Variants in DHRSX observed in about 807,000 individuals in gnomAD.
The protein encoded by DHRSX is polyprenol dehydrogenase.
In DHRSX, 31 loss-of-function variants were observed where a neutral mutation model predicts 34.0. The ratio of observed to expected loss-of-function variants is 0.91; its 90% CI spans 0.69 to 1.23. The LOEUF (loss-of-function observed/expected upper bound fraction) is 1.23, where lower values mean the gene tolerates loss of function less well. Ranked by LOEUF, DHRSX falls within the 50% of genes most tolerant of loss-of-function variation. The pLI, the probability that DHRSX is intolerant of heterozygous loss-of-function variation, is 0.00. For missense variants in DHRSX, 414 were observed against 428.1 expected (o/e 0.97, Z 0.29); for synonymous variants, 201 against 183.8 (o/e 1.09, Z -0.76).
intron 6 of DHRSX, among the ~76,000 whole-genome samples, chrX:2,231,361 G>C (rs36093347): frequency 0.15 from 23,454 of 151,666 alleles, 5,204 homozygotes; most frequent in African/African-American, 0.49. Context: ...CTCTGAGCCT[G>C]AGAGAACCTC....
chrX:2,275,838 A>ATTT (rs2041623787), intron 4 of DHRSX, among the ~76,000 whole-genome samples: 5 of 148,974 alleles, frequency 3.4e-5, no homozygotes, highest in African/African-American at 4.9e-5. Context: ...CCTTTTTTTA[A>ATTT]AAATTTTAAT....
In DHRSX at chrX:2,221,197, G is replaced by A. The variant is rs148089632; in HGVS notation, c.837C>T (p.Tyr279=). 1.6e-4 allele frequency: 263 copies of A among 1,613,854 alleles called. No individual in the cohort carries two copies. The highest frequency in any genetic ancestry group is 1.6e-3 in the African/African-American group (122 of 75,008). Residue 279 remains tyrosine, a synonymous_variant, in exon 7 of 7, where the codon TAC becomes TAT. Transcript: ENST00000334651. ...TPDEGAWTSI[Y]AAVTPELEGV... ...CTTCCAGCTCTGGGGTGACTGCTGC[G>A]TAGATGGAAGTCCACGCTCCTTCAT...
intron 1 of DHRSX, among the ~76,000 whole-genome samples, chrX:2,426,619 T>C (rs1351071688): frequency 6.7e-6 from 1 of 149,294 alleles, no homozygotes; most frequent in Non-Finnish European, 1.5e-5. Flanking sequence ...CCTTTCCTCT[T>C]TCCCTCCTTT....
chrX:2,352,874 A>G (rs2042804964), intron 3 of DHRSX, among the ~76,000 whole-genome samples: 1 of 152,142 alleles, frequency 6.6e-6, no homozygotes, highest in Admixed American at 6.6e-5. Flanking sequence ...TTAAGCCACA[A>G]AACTTCAATT....
intron 3 of DHRSX, among the ~76,000 whole-genome samples, chrX:2,335,203 A>G (rs1303192393): frequency 3.3e-5 from 5 of 151,218 alleles, no homozygotes; most frequent in Non-Finnish European, 7.4e-5. Context: ...AAAAAAAGAA[A>G]AATTTATTTT....
chrX:2,308,495 A>G (rs892342226), intron 3 of DHRSX, among the ~76,000 whole-genome samples: 6 of 152,300 alleles, frequency 3.9e-5, no homozygotes, highest in African/African-American at 1.4e-4. Flanking sequence ...CACACAAGAC[A>G]GCAATGATTG....
Position 2,233,198 on chromosome X carries a change from G to A in DHRSX, c.804+9825C>T, listed in dbSNP as rs758517836. 1.2e-4 allele frequency among the ~76,000 whole-genome samples: 18 copies of A among 152,244 alleles called. No homozygotes were observed. The East Asian group carries it at 1.4e-3, about 11-fold the overall frequency. ...TCGCGGCAGAATTTCATTATCTGCC[G>A]CTGTGCAGCTGTGGCTGACAGACGC... On this transcript the variant is annotated intron_variant, in intron 6 of 6. Transcript: ENST00000334651.
intron 3 of DHRSX, among the ~76,000 whole-genome samples, chrX:2,368,637 G>T (rs973331313): frequency 2.0e-5 from 3 of 152,104 alleles, no homozygotes; most frequent in Non-Finnish European, 4.4e-5. Context: ...ATCACTTGAG[G>T]TCAGGAGTTC....
At chrX:2,314,455 GAGGAAGGAAGGGGAGA>G (rs1291352066) in intron 3 of DHRSX, among the ~76,000 whole-genome samples, 1 of 26,806 alleles carries the variant, frequency 3.7e-5, no homozygotes, top group Admixed American at 3.8e-4. Flanking sequence ...GGGGAGAAGG[GAGGAAGGAAGGGGAGA>G]AGGAAGGAAG....
At chrX:2,436,497 T>TTATTAC (rs1217974470) in intron 1 of DHRSX, among the ~76,000 whole-genome samples, 36 of 132,144 alleles carry the variant, frequency 2.7e-4, no homozygotes, top group Non-Finnish European at 3.8e-4. Flanking sequence ...ATTATTATTA[T>TTATTAC]TACTACTACT....
At chrX:2,467,762 G>C (rs1410118170) in intron 1 of DHRSX, among the ~76,000 whole-genome samples, 1 of 152,040 alleles carries the variant, frequency 6.6e-6, no homozygotes, top group Non-Finnish European at 1.5e-5. Flanking sequence ...ATCACCTGAG[G>C]TCAGGGGTTT....
At chrX:2,427,397 T>C (rs1304492325) in intron 1 of DHRSX, among the ~76,000 whole-genome samples, 1 of 152,148 alleles carries the variant, frequency 6.6e-6, no homozygotes, top group Non-Finnish European at 1.5e-5. Context: ...CAGGAAGGAA[T>C]AGATTCATGG....
At chrX:2,418,123 G>A (rs2043719181) in intron 2 of DHRSX, among the ~76,000 whole-genome samples, 1 of 151,424 alleles carries the variant, frequency 6.6e-6, no homozygotes, top group African/African-American at 2.4e-5. Flanking sequence ...ACCTAAATAA[G>A]TCACACATCA....
rs370627556 is a variant in DHRSX at position 2,323,473 on chromosome X, T to C, written c.287-31870A>G. On this transcript the variant is annotated intron_variant, in intron 3 of 6. Transcript: ENST00000334651. ...ATCACTATGAACCCCAGAATAGATA[T>C]GTTTTTTGGCCAGACACGGTGGTAC... 5.3e-5 allele frequency among the ~76,000 whole-genome samples: 8 copies of C among 152,180 alleles called. No homozygotes were observed. The East Asian group carries it at 1.2e-3, about 22-fold the overall frequency.
chrX:2,347,723 G>C (rs1467176627), intron 3 of DHRSX, among the ~76,000 whole-genome samples: 1 of 152,144 alleles, frequency 6.6e-6, no homozygotes, highest in East Asian at 1.9e-4. Context: ...TGGGGACAGA[G>C]CCAAACCATA....
intron 1 of DHRSX, among the ~76,000 whole-genome samples, chrX:2,473,922 G>T (rs2044632588): frequency 6.7e-6 from 1 of 148,524 alleles, no homozygotes; most frequent in African/African-American, 2.6e-5. Context: ...TATCAAGCGT[G>T]TAGGGGAAGA....
At chrX:2,345,424 T>A (rs1401772631) in intron 3 of DHRSX, among the ~76,000 whole-genome samples, 1 of 151,590 alleles carries the variant, frequency 6.6e-6, no homozygotes, top group Non-Finnish European at 1.5e-5. Context: ...AGGTGGATCA[T>A]CTGAGGTCAG....
At chrX:2,444,264 A>C (rs2044099711) in intron 1 of DHRSX, among the ~76,000 whole-genome samples, 1 of 152,182 alleles carries the variant, frequency 6.6e-6, no homozygotes, top group Non-Finnish European at 1.5e-5. Flanking sequence ...AAAATGTGAT[A>C]ATTCTGCAAG....
chrX:2,489,750 G>A (rs1326015209), intron 1 of DHRSX: 2 of 1,613,272 alleles, frequency 1.2e-6, no homozygotes. Flanking sequence ...ACGGCAGACT[G>A]CTGGAAGTAC....
Sources: gnomAD v4.1 joint callset for allele counts (sites outside exome capture counted in the v4.1 genomes callset) on GRCh38, gnomAD v4.1.1 for gene constraint, MANE v1.5 for transcripts, NCBI Gene and HGNC (gene_info 2026-07-23, HGNC 2026-07-21) for gene names.